The following BCAS3 variants were observed in gnomAD, a reference collection of about 807,000 sequenced individuals.
BCAS3 encodes the protein BCAS3 microtubule associated cell migration factor.
BCAS3 carries 53 observed loss-of-function variants against 116.1 expected under a neutral mutation model. The observed-to-expected ratio is 0.46, with a 90% CI of 0.37 to 0.57. BCAS3 has a LOEUF of 0.57. Among genes scored for constraint, BCAS3 ranks in the 20% least tolerant of loss-of-function variants. The pLI, the probability that BCAS3 is intolerant of heterozygous loss-of-function variation, is 0.00. For missense variants in BCAS3, 917 were observed against 1,165.4 expected (o/e 0.79, Z 3.10); for synonymous variants, 391 against 408.2 (o/e 0.96, Z 0.51).
At chr17:61,076,748 T>C (rs1250252632) in intron 20 of BCAS3, among the ~76,000 whole-genome samples, 1 of 152,198 alleles carries the variant, frequency 6.6e-6, no homozygotes, top group East Asian at 1.9e-4. Context: ...GTGACACTGA[T>C]GGTTTTGAGC....
At chr17:61,096,998 G>T (rs953345506) in intron 22 of BCAS3, among the ~76,000 whole-genome samples, 1 of 152,190 alleles carries the variant, frequency 6.6e-6, no homozygotes, top group African/African-American at 2.4e-5. Flanking sequence ...TGCATGAAGG[G>T]TTGAGAATTT....
intron 5 of BCAS3, among the ~76,000 whole-genome samples, chr17:60,710,495 A>G (rs978681296): frequency 6.7e-5 from 10 of 149,062 alleles, no homozygotes; most frequent in Non-Finnish European, 1.0e-4. Flanking sequence ...GCAGTGGCGC[A>G]ATCTCGGCTC....
At position 61,265,705 on chromosome 17, in the gene BCAS3, C is replaced by CA. The variant is rs1555800197; in HGVS notation, c.2426-102621dup. On this transcript the variant is annotated intron_variant, in intron 22 of 23. Transcript: ENST00000407086. This position sits in a 1 kb window ranked among gnomAD's most constrained non-coding sequence, Gnocchi z 4.3. ...AACACCATCATTCTTTTTTCCCCCCCATCAAGTAGTATATCTGCCAGGGTT... is the reference window on the plus strand; with the variant it reads ...AACACCATCATTCTTTTTTCCCCCCCAATCAAGTAGTATATCTGCCAGGGTT... 6.6e-6 allele frequency among the ~76,000 whole-genome samples: 1 copy of CA among 151,784 alleles called. No homozygotes were observed. The highest frequency in any genetic ancestry group is 1.5e-5 in the Non-Finnish European group (1 of 67,930).
At chr17:60,806,644 G>T (rs2048311890) in intron 6 of BCAS3, among the ~76,000 whole-genome samples, 1 of 151,142 alleles carries the variant, frequency 6.6e-6, no homozygotes, top group Non-Finnish European at 1.5e-5. Flanking sequence ...CCCCAACTCT[G>T]GGGGCTCAGA....
In BCAS3 at chr17:60,806,630, C is replaced by T. The variant is rs1187547512; in HGVS notation, c.404-1374C>T. ...GCAGTGGCACAATTATAGCTCACTG[C>T]AGCCCCCAACTCTGGGGGCTCAGAG... is the stretch of plus-strand genomic sequence containing the variant. On this transcript the variant is annotated intron_variant, in intron 6 of 23. Transcript: ENST00000407086. Among the ~76,000 whole-genome samples the T allele has an allele frequency of 2.6e-5, 4 of 151,826 alleles. No individual in the cohort carries two copies. The East Asian group carries it at 5.8e-4, about 22-fold the overall frequency.
chr17:61,026,680 C>G lies in BCAS3; in HGVS notation c.1638-7986C>G, dbSNP rs192067418. 2.0e-5 allele frequency among the ~76,000 whole-genome samples: 3 copies of G among 151,928 alleles called. No individual in the cohort carries two copies. The highest frequency in any genetic ancestry group is 2.0e-4 in the Admixed American group (3 of 15,220). ...ATCTCTAACTCTGAAAATTAAGGGC[C>G]TTGTTACTACACATCATTCTGTTTA... On this transcript the variant is annotated intron_variant, in intron 16 of 23. Transcript: ENST00000407086. The surrounding 1 kb of genome is among the most constrained non-coding windows in gnomAD (Gnocchi z 5.0).
intron 22 of BCAS3, among the ~76,000 whole-genome samples, chr17:61,328,170 C>A (rs2055892610): frequency 6.6e-6 from 1 of 150,398 alleles, no homozygotes. Flanking sequence ...AAAAAAAAAA[C>A]CTTAATAACA....
chr17:60,822,311 G>A (rs1047613694), intron 7 of BCAS3, among the ~76,000 whole-genome samples: 1 of 152,126 alleles, frequency 6.6e-6, no homozygotes, highest in Admixed American at 6.5e-5. Flanking sequence ...GCAGTGGTGT[G>A]TCATTATGGC....
At chr17:60,710,170 A>G (rs1368004344) in intron 5 of BCAS3, among the ~76,000 whole-genome samples, 1 of 152,180 alleles carries the variant, frequency 6.6e-6, no homozygotes, top group Non-Finnish European at 1.5e-5. Context: ...GCTCTGGGCC[A>G]GTAGAAGTTG....
chr17:60,961,804 T>TGTGCTGACATTGTAACGAG lies in BCAS3; in HGVS notation c.1221+14454_1221+14472dup, dbSNP rs1162092626. Among the ~76,000 whole-genome samples the TGTGCTGACATTGTAACGAG allele has an allele frequency of 1.3e-5, 2 of 151,814 alleles. No homozygotes were observed. The highest frequency in any genetic ancestry group is 4.8e-5 in the African/African-American group (2 of 41,320). On this transcript the variant is annotated intron_variant, in intron 14 of 23. Transcript: ENST00000407086. This position sits in a 1 kb window ranked among gnomAD's most constrained non-coding sequence, Gnocchi z 4.8. ...TTTTTTTTTCACATCAGATGGATAA[T>TGTGCTGACATTGTAACGAG]GTGCTGACATTGTAACGAGGCTTGA...
chr17:60,863,170 C>A (rs774612862), intron 7 of BCAS3, among the ~76,000 whole-genome samples: 3 of 152,094 alleles, frequency 2.0e-5, no homozygotes, highest in Non-Finnish European at 4.4e-5. Flanking sequence ...ATCTTTTCAT[C>A]ATTTAGTTAT....
chr17:61,137,789 G>GC (rs1378818956), intron 22 of BCAS3, among the ~76,000 whole-genome samples: 2 of 152,128 alleles, frequency 1.3e-5, no homozygotes, highest in Non-Finnish European at 2.9e-5. Flanking sequence ...AAAACAAAAT[G>GC]CTAAAAACTG....
intron 8 of BCAS3, 83 bp downstream of exon 8, chr17:60,868,766 T>A: frequency 2.8e-6 from 2 of 703,724 alleles, no homozygotes; most frequent in Non-Finnish European, 4.5e-6. Context: ...TTTCAATGAC[T>A]AACTTAGATT....
intron 5 of BCAS3, among the ~76,000 whole-genome samples, chr17:60,732,200 T>G (rs912825965): frequency 3.3e-5 from 5 of 152,154 alleles, no homozygotes; most frequent in South Asian, 2.1e-4. Context: ...CCAATAGGAT[T>G]TTATTGGTGT....
intron 4 of BCAS3, among the ~76,000 whole-genome samples, chr17:60,705,388 G>T (rs1416094437): frequency 6.6e-6 from 1 of 151,764 alleles, no homozygotes; most frequent in Non-Finnish European, 1.5e-5. Flanking sequence ...ATGTGGTGGC[G>T]CCTGTAATCC....
intron 14 of BCAS3, among the ~76,000 whole-genome samples, chr17:60,982,236 TAAAC>T (rs907035656): frequency 1.3e-5 from 2 of 152,256 alleles, no homozygotes; most frequent in Non-Finnish European, 2.9e-5. Context: ...GAAAACAAAA[TAAAC>T]AAAATATCTG....
intron 7 of BCAS3, among the ~76,000 whole-genome samples, chr17:60,857,683 A>C (rs2053795363): frequency 6.6e-6 from 1 of 152,220 alleles, no homozygotes; most frequent in Admixed American, 6.5e-5. Flanking sequence ...AGGCTTTTCA[A>C]AAGAGAAAAC....
intron 19 of BCAS3, among the ~76,000 whole-genome samples, chr17:61,067,087 G>T (rs1405169483): frequency 6.6e-6 from 1 of 150,844 alleles, no homozygotes; most frequent in Non-Finnish European, 1.5e-5. Context: ...ATTGATTCTT[G>T]TATTAAGTTG....
chr17:61,090,429 G>C (rs1431760587), intron 22 of BCAS3, among the ~76,000 whole-genome samples: 2 of 152,058 alleles, frequency 1.3e-5, no homozygotes, highest in Non-Finnish European at 2.9e-5. Flanking sequence ...ATCCCTCAGA[G>C]GGGAAAAAAT....
Sources: gnomAD v4.1 joint callset for allele counts (sites outside exome capture counted in the v4.1 genomes callset) on GRCh38, gnomAD v4.1.1 for gene constraint, Gnocchi (gnomAD v3.1) non-coding constraint, MANE v1.5 for transcripts, NCBI Gene and HGNC (gene_info 2026-07-23, HGNC 2026-07-21) for gene names.